The following NAV2 variants were observed in gnomAD, a reference collection of about 807,000 sequenced individuals.
The protein encoded by NAV2 is neuron navigator 2, also known as helicase, APC down-regulated 1.
In NAV2, 54 loss-of-function variants were observed where a neutral mutation model predicts 223.2. The observed-to-expected ratio is 0.24, with a 90% CI of 0.19 to 0.30. The LOEUF is 0.30. NAV2 is among the 10% of genes least tolerant of loss of function. The pLI is 1.00. For synonymous variants in NAV2, 1,279 were observed against 1,239.3 expected (o/e 1.03, Z -0.67); for missense variants, 2,806 against 3,147.5 (o/e 0.89, Z 2.60).
chr11:19,749,312 A>G (rs1192520243), intron 1 of NAV2, among the ~76,000 whole-genome samples: 1 of 152,186 alleles, frequency 6.6e-6, no homozygotes, highest in African/African-American at 2.4e-5. Flanking sequence ...TCTCCCTCCC[A>G]GATTTTCCTC....
intron 1 of NAV2, among the ~76,000 whole-genome samples, chr11:19,736,214 C>G (rs187850645): frequency 4.6e-5 from 7 of 152,238 alleles, no homozygotes; most frequent in Admixed American, 1.3e-4. Context: ...CATGTTTTTA[C>G]AAACAAAAAA....
At position 19,933,635 on chromosome 11, in the gene NAV2, A is replaced by G. The variant is rs770603635; in HGVS notation, c.1391A>G (p.Lys464Arg). Residue 464 changes from lysine (K) to arginine (R), a missense_variant, in exon 7 of 38, where the codon AAG becomes AGG. Transcript: ENST00000349880. This position sits in a 1 kb window ranked among gnomAD's most constrained non-coding sequence, Gnocchi z 4.3. ...TCCAGCAGCCCCAAGATTGCACTCA[A>G]GGGCATTGCCCAGAGGACTTTTAGC... Reference protein sequence around the residue: ...PASSSPKIALKGIAQRTFSRA... With the variant: ...PASSSPKIALRGIAQRTFSRA... The G allele has an allele frequency of 5.6e-6, 9 of 1,614,094 alleles. No individual in the cohort carries two copies. In the African/African-American group the frequency reaches 1.2e-4, roughly 22 times the overall value.
intron 11 of NAV2, among the ~76,000 whole-genome samples, chr11:20,030,456 A>G (rs1472667335): frequency 6.6e-6 from 1 of 152,236 alleles, no homozygotes; most frequent in Non-Finnish European, 1.5e-5. Context: ...AATCACATCT[A>G]TAAAACAAGT....
intron 1 of NAV2, among the ~76,000 whole-genome samples, chr11:19,781,267 T>C (rs993121583): frequency 2.0e-5 from 3 of 152,204 alleles, no homozygotes; most frequent in African/African-American, 7.2e-5. Context: ...CAGGGCCTGC[T>C]GCTGAGGTGG....
At chr11:20,038,245 G>A (rs1027705210) in intron 12 of NAV2, among the ~76,000 whole-genome samples, 1 of 152,116 alleles carries the variant, frequency 6.6e-6, no homozygotes, top group Non-Finnish European at 1.5e-5. Context: ...ATCAGAAAAG[G>A]CTGCAGGATT....
chr11:19,427,848 T>C (rs1156426133), intron 1 of NAV2, among the ~76,000 whole-genome samples: 1 of 152,228 alleles, frequency 6.6e-6, no homozygotes, highest in Non-Finnish European at 1.5e-5. Flanking sequence ...CAGTTGTTTC[T>C]TATTGGGTTG....
At chr11:19,847,882 G>C (rs150588719) in intron 3 of NAV2, among the ~76,000 whole-genome samples, 9 of 152,116 alleles carry the variant, frequency 5.9e-5, no homozygotes, top group African/African-American at 1.9e-4. Context: ...CAGTTACTAC[G>C]ATAATGAAGA....
intron 3 of NAV2, among the ~76,000 whole-genome samples, chr11:19,857,917 C>A (rs1249484277): frequency 6.6e-6 from 1 of 152,176 alleles, no homozygotes; most frequent in Non-Finnish European, 1.5e-5. Flanking sequence ...AGTGCAGTGG[C>A]ATGATCTTGG....
Position 19,998,834 on chromosome 11 carries a change from T to C in NAV2, c.2768+14587T>C, listed in dbSNP as rs924517817. Among the ~76,000 whole-genome samples the C allele has an allele frequency of 2.0e-5, 3 of 152,232 alleles. No individual in the cohort carries two copies. The highest frequency in any genetic ancestry group is 2.0e-4 in the Admixed American group (3 of 15,288). On this transcript the variant is annotated intron_variant, in intron 11 of 37. Transcript: ENST00000349880. The surrounding 1 kb of genome is among the most constrained non-coding windows in gnomAD (Gnocchi z 5.0). Reference sequence around the variant, plus strand: ...AAAGAAAGTTTCAGCTGTTGGTTTCTTTTTGGAAACTGTTTATTTGACATC... The same window carrying C: ...AAAGAAAGTTTCAGCTGTTGGTTTCCTTTTGGAAACTGTTTATTTGACATC...
At chr11:19,670,092 C>A (rs1306849434) in intron 1 of NAV2, among the ~76,000 whole-genome samples, 1 of 152,200 alleles carries the variant, frequency 6.6e-6, no homozygotes, top group Non-Finnish European at 1.5e-5. Flanking sequence ...TATGATCCAG[C>A]CTCTCTGAGC....
rs576364259 is a variant in NAV2, at chr11:19,426,712, G to A, written c.75+75685G>A. ...TCCCATCAATTTTTTTTTTTTAGTT[G>A]GGGGGCGGGGTTGTCATCAATTTAT... On this transcript the variant is annotated intron_variant, in intron 1 of 37. Coordinates refer to the NAV2 transcript ENST00000360655. Among the ~76,000 whole-genome samples the A allele has an allele frequency of 3.3e-5, 5 of 151,516 alleles. No individual in the cohort carries two copies. In the East Asian group the frequency reaches 9.7e-4, roughly 29 times the overall value.
chr11:20,027,857 C>T (rs907235470), intron 11 of NAV2, among the ~76,000 whole-genome samples: 3 of 152,210 alleles, frequency 2.0e-5, no homozygotes, highest in African/African-American at 7.2e-5. Context: ...CTCCTCCTCC[C>T]GGAGTCTTTT....
intron 1 of NAV2, among the ~76,000 whole-genome samples, chr11:19,476,036 G>C (rs1010005239): frequency 6.6e-6 from 1 of 152,068 alleles, no homozygotes; most frequent in Non-Finnish European, 1.5e-5. Context: ...GTGCAGCGGC[G>C]GGATCTTGGC....
chr11:19,539,630 G>A (rs2044286549), intron 1 of NAV2, among the ~76,000 whole-genome samples: 1 of 152,068 alleles, frequency 6.6e-6, no homozygotes, highest in South Asian at 2.1e-4. Context: ...TTTTTCTTAG[G>A]GGATGGGAGC....
At chr11:19,702,588 G>A (rs995866988) in intron 1 of NAV2, among the ~76,000 whole-genome samples, 4 of 152,006 alleles carry the variant, frequency 2.6e-5, no homozygotes, top group Admixed American at 6.6e-5. Flanking sequence ...AGACCAGCCC[G>A]GGCAACATGA....
intron 1 of NAV2, among the ~76,000 whole-genome samples, chr11:19,740,078 C>T (rs997064310): frequency 1.3e-5 from 2 of 152,238 alleles, no homozygotes; most frequent in African/African-American, 4.8e-5. Context: ...CTTTGTACTG[C>T]GCACTTTGGA....
chr11:19,436,377 GT>G (rs1197384188), intron 1 of NAV2, among the ~76,000 whole-genome samples: 1 of 152,142 alleles, frequency 6.6e-6, no homozygotes, highest in East Asian at 1.9e-4. Flanking sequence ...TTGAAAAGCA[GT>G]TGATCATAGA....
chr11:19,807,281 C>T (rs1225584987), intron 1 of NAV2, among the ~76,000 whole-genome samples: 4 of 152,186 alleles, frequency 2.6e-5, no homozygotes, highest in Non-Finnish European at 5.9e-5. Flanking sequence ...GAATTCTGGT[C>T]AGAACCCTGA....
At chr11:19,716,788 A>G (rs2050349941) in intron 1 of NAV2, among the ~76,000 whole-genome samples, 1 of 152,216 alleles carries the variant, frequency 6.6e-6, no homozygotes, top group Non-Finnish European at 1.5e-5. Flanking sequence ...AATAATAACA[A>G]TGGTAATAAT....
Sources: allele counts gnomAD v4.1 joint callset (sites outside exome capture counted in the v4.1 genomes callset), GRCh38; gene constraint gnomAD v4.1.1; non-coding constraint Gnocchi (gnomAD v3.1); transcripts MANE v1.5; gene names NCBI Gene and HGNC (gene_info 2026-07-23, HGNC 2026-07-21).